The following MGME1 variants were observed in gnomAD, a reference collection of about 807,000 sequenced individuals.
MGME1 encodes mitochondrial genome maintenance exonuclease 1.
A neutral mutation model predicts 33.0 loss-of-function variants in MGME1; 22 were observed. The ratio of observed to expected loss-of-function variants is 0.67; its 90% confidence interval spans 0.48 to 0.95. MGME1 has a LOEUF of 0.95. Ranked by LOEUF, MGME1 falls within the 40% of genes least tolerant of loss-of-function variation. MGME1 has a pLI of 0.00. For missense variants in MGME1, 383 were observed against 397.8 expected, an observed-to-expected ratio of 0.96 and a Z score of 0.32; for synonymous variants, 133 against 144.0, an observed-to-expected ratio of 0.92 and a Z score of 0.55.
chr20:17,985,123 G>A (rs2036124602), intron 3 of MGME1, among the ~76,000 whole-genome samples: 1 of 151,110 alleles, frequency 6.6e-6, no homozygotes, highest in Non-Finnish European at 1.5e-5. Context: ...TATTACAAGA[G>A]TCAATAAATT....
At position 17,975,706 on chromosome 20, in the gene MGME1, G is replaced by T. The variant is rs1160321759; in HGVS notation, c.534G>T (p.Arg178=). The T allele has an allele frequency of 6.2e-7, 1 of 1,613,618 alleles. No homozygotes were observed. Among genetic ancestry groups the T allele is most frequent in the Non-Finnish European group, 8.5e-7 (1 of 1,179,774 alleles). The change falls in exon 3 of 5, where the codon CGG becomes CGT. Residue 178 remains arginine, a synonymous_variant. Coordinates refer to ENST00000377710, the MANE Select transcript of MGME1 (RefSeq NM_052865.4). ...CAGACGTCTTTTTACAAGGGAAACG[G>T]TTCCACGAAGCCTTGGAAAGCATAC... ...YTSNVFLQGK[R]FHEALESILS...
At position 17,975,904 on chromosome 20, in the gene MGME1, G is replaced by A; in HGVS notation, c.731+1G>A. On this transcript the variant is annotated splice_donor_variant, in intron 3 of 4. Transcript: ENST00000377710. LOFTEE classifies it high-confidence loss of function. ...TGCTGGACTGTGTGGCTGAGTATCA[G>A]TAAGTATGAGATTGGAGGTGAATTA... 1 of 1,609,704 alleles carries A rather than the reference G, an allele frequency of 6.2e-7. No individual in the cohort carries two copies. Among genetic ancestry groups the A allele is most frequent in the Non-Finnish European group, 8.5e-7 (1 of 1,175,974 alleles).
intron 3 of MGME1, among the ~76,000 whole-genome samples, chr20:17,979,025 G>A (rs138423038): frequency 0.021 from 3,247 of 151,818 alleles, 69 homozygotes; most frequent in Non-Finnish European, 0.029. Flanking sequence ...TGATCTGCCC[G>A]CCTCAGCCTC....
At chr20:17,972,838 C>T (rs1377647571) in intron 2 of MGME1, 1 of 911,696 alleles carries the variant, frequency 1.1e-6, no homozygotes, top group Non-Finnish European at 1.3e-6. Context: ...TTGTCTTCTG[C>T]TTCATTAACC....
intron 3 of MGME1, among the ~76,000 whole-genome samples, chr20:17,979,943 G>A (rs2035966087): frequency 6.6e-6 from 1 of 151,994 alleles, no homozygotes; most frequent in Non-Finnish European, 1.5e-5. Flanking sequence ...TTTTGCTCAG[G>A]CTGGTCTTGA....
chr20:17,978,669 T>C (rs1027939015), intron 3 of MGME1, among the ~76,000 whole-genome samples: 2 of 152,212 alleles, frequency 1.3e-5, no homozygotes, highest in East Asian at 1.9e-4. Context: ...ATGCTTGTCA[T>C]AGAGATGATA....
chr20:17,980,687 T>C (rs1287404551), intron 3 of MGME1, among the ~76,000 whole-genome samples: 2 of 151,696 alleles, frequency 1.3e-5, no homozygotes, highest in African/African-American at 4.8e-5. Flanking sequence ...CAGGCGCCTG[T>C]AGTCCCAGCT....
At chr20:17,974,008 C>CT (rs1410297121) in intron 2 of MGME1, among the ~76,000 whole-genome samples, 2 of 150,228 alleles carry the variant, frequency 1.3e-5, no homozygotes, top group African/African-American at 4.9e-5. Context: ...TTTCTCTCCT[C>CT]TTACTAAGAA....
chr20:17,990,313 C>A lies in MGME1; in HGVS notation c.*204C>A, dbSNP rs553436022. ...AGATATAAAGACCTAGACTTCGGCACGCGAAATCCCAGCTATGCTACCTCT... is the reference window on the plus strand; with the variant it reads ...AGATATAAAGACCTAGACTTCGGCAAGCGAAATCCCAGCTATGCTACCTCT... On this transcript the variant is annotated 3_prime_UTR_variant, in exon 5 of 5. Transcript: ENST00000377710. 10 of 600,510 alleles carry A rather than the reference C, an allele frequency of 1.7e-5. No individual in the cohort carries two copies. The African/African-American group carries it at 1.9e-4, about 11-fold the overall frequency. The allele number at this position is 600,510 out of a possible 1,614,324, so 37.2% of individuals were successfully genotyped here.
intron 4 of MGME1, among the ~76,000 whole-genome samples, chr20:17,989,451 G>T (rs968236987): frequency 6.6e-6 from 1 of 150,818 alleles, no homozygotes; most frequent in African/African-American, 2.5e-5. Context: ...GGTGGCTCAT[G>T]CCTGTAATCC....
chr20:17,972,418 G>A (rs1243546632), intron 2 of MGME1, among the ~76,000 whole-genome samples: 2 of 147,960 alleles, frequency 1.4e-5, no homozygotes, highest in East Asian at 2.0e-4. Context: ...CACACAAAGG[G>A]ATGGGGTTTA....
In MGME1 at chr20:17,988,598, C is replaced by T. The variant is rs1472101219; in HGVS notation, c.864+300C>T. 3.4e-5 allele frequency among the ~76,000 whole-genome samples: 5 copies of T among 147,810 alleles called. No individual in the cohort carries two copies. In the South Asian group the frequency reaches 6.4e-4, roughly 19 times the overall value. On this transcript the variant is annotated intron_variant, in intron 4 of 4. Transcript: ENST00000377710. ...TGGAGGTTGTAGTGAGCCAAGATTG[C>T]GCCACTACACTCCAGCCTGGGCAAG...
At chr20:17,976,227 G>A (rs1330172878) in intron 3 of MGME1, among the ~76,000 whole-genome samples, 3 of 151,804 alleles carry the variant, frequency 2.0e-5, no homozygotes, top group East Asian at 1.9e-4. Context: ...AGGTTCAAGC[G>A]GTTCTCCTGC....
At chr20:17,977,403 A>G (rs1207851145) in intron 3 of MGME1, among the ~76,000 whole-genome samples, 1 of 151,944 alleles carries the variant, frequency 6.6e-6, no homozygotes, top group Admixed American at 6.6e-5. Context: ...GAAAGAAAAG[A>G]AAAAGCATTC....
chr20:17,970,142 C>G lies in MGME1; in HGVS notation c.283C>G (p.Arg95Gly), dbSNP rs554720740. Residue 95 changes from arginine (R) to glycine (G), a missense_variant, in exon 2 of 5, where the codon CGA becomes GGA. Transcript: ENST00000377710. ...GCTGCCAAACCAAGGTGAGGACAGA[C>G]GAGTGCCACAAAACTGGTTTCCTAT... ...HKLPNQGEDR[R>G]VPQNWFPIFN... is the part of the protein sequence containing the mutation. 1.1e-4 allele frequency: 178 copies of G among 1,614,072 alleles called. 1 individual carries two copies. The Admixed American group carries it at 2.9e-3, about 26-fold the overall frequency.
chr20:17,985,724 A>G (rs1245103707), intron 3 of MGME1, among the ~76,000 whole-genome samples: 1 of 152,136 alleles, frequency 6.6e-6, no homozygotes, highest in Non-Finnish European at 1.5e-5. Context: ...GTTTAGATGC[A>G]CTAATGCTTA....
chr20:17,988,090 T>C (rs2036198546), intron 3 of MGME1, 76 bp from the exon 4 acceptor site: 2 of 1,408,062 alleles, frequency 1.4e-6, no homozygotes, highest in Non-Finnish European at 1.9e-6. Flanking sequence ...AAACTATACA[T>C]AAGAGAACTG....
chr20:17,989,621 C>G (rs1187534025), intron 4 of MGME1, among the ~76,000 whole-genome samples: 1 of 151,724 alleles, frequency 6.6e-6, no homozygotes, highest in African/African-American at 2.4e-5. Flanking sequence ...CGAGATTGTG[C>G]CACTGCACTC....
upstream of MGME1, chr20:17,968,761 G>C (rs536225849): frequency 2.8e-6 from 1 of 358,938 alleles, no homozygotes; most frequent in South Asian, 3.8e-5. Context: ...GGGAAGCAAC[G>C]GACACTCTCC....
Sources: gnomAD v4.1 joint callset for allele counts (sites outside exome capture counted in the v4.1 genomes callset) on GRCh38, gnomAD v4.1.1 for gene constraint, MANE v1.5 for transcripts, NCBI Gene and HGNC (gene_info 2026-07-23, HGNC 2026-07-21) for gene names.